The following HIPK2 variants were observed in gnomAD, a reference collection of about 807,000 sequenced individuals.
The protein encoded by HIPK2 is homeodomain interacting protein kinase 2.
Under a neutral mutation model 113.7 loss-of-function variants are expected in HIPK2, and 27 were observed. That is an observed-to-expected ratio of 0.24 (90% CI 0.17 to 0.33). The LOEUF is 0.33. Ranked by LOEUF, HIPK2 falls within the 10% of genes least tolerant of loss-of-function variation. The pLI is 1.00. For synonymous variants in HIPK2, 631 were observed against 642.2 expected (o/e 0.98, Z 0.26); for missense variants, 1,257 against 1,588.0 (o/e 0.79, Z 3.54).
Position 139,573,005 on chromosome 7 carries a change from G to C in HIPK2, c.3519C>G (p.Ile1173Met), listed in dbSNP as rs774689345. Residue 1173 changes from isoleucine to methionine, a missense_variant, in exon 15 of 15, where the codon ATC becomes ATG. By Grantham distance (10) the Ile-to-Met change is conservative (BLOSUM62 1). Coordinates refer to ENST00000406875, the MANE Select transcript of HIPK2 (RefSeq NM_022740.5). ...YPAQFAHQTY[I>M]SASPASTVYT... ...AGACGGTGGAGGCTGGCGAGGCGCT[G>C]ATGTAGGTCTGGTGGGCAAATTGGG... The C allele has an allele frequency of 8.1e-6, 13 of 1,611,696 alleles. No homozygotes were observed. The highest frequency in any genetic ancestry group is 8.5e-6 in the Non-Finnish European group (10 of 1,179,102).
At position 139,624,379 on chromosome 7, in the gene HIPK2, T is replaced by G. The variant is rs142528833; in HGVS notation, c.1619+2222A>C. Among the ~76,000 whole-genome samples, 39 of 152,248 alleles carry G rather than the reference T, an allele frequency of 2.6e-4. No individual in the cohort carries two copies. The East Asian group carries it at 7.5e-3, about 29-fold the overall frequency. On this transcript the variant is annotated intron_variant, in intron 6 of 14. Transcript: ENST00000406875. ...GAGGCCTTTGCCACTGGCTGGACCT[T>G]CCTCTCCAAGCCATTCCCTGCCTCG...
At chr7:139,715,204 G>C (rs1220840991) in intron 2 of HIPK2, among the ~76,000 whole-genome samples, 1 of 152,182 alleles carries the variant, frequency 6.6e-6, no homozygotes, top group Non-Finnish European at 1.5e-5. Context: ...AAAGCTTGTT[G>C]AATGACTGCA....
At chr7:139,583,187 A>G (rs546650010) in intron 13 of HIPK2, among the ~76,000 whole-genome samples, 3 of 152,262 alleles carry the variant, frequency 2.0e-5, no homozygotes, top group Non-Finnish European at 4.4e-5. Flanking sequence ...AATAGATGCT[A>G]CAAAATCTAC....
intron 13 of HIPK2, among the ~76,000 whole-genome samples, chr7:139,576,280 G>C (rs1798487775): frequency 6.6e-6 from 1 of 152,264 alleles, no homozygotes; most frequent in African/African-American, 2.4e-5. Context: ...AAAAAACACT[G>C]CAACCCTCCA....
At position 139,777,634 on chromosome 7, in the gene HIPK2, G is replaced by A. The variant is rs1197897915; in HGVS notation, c.-11C>T. 4 of 1,089,662 alleles carry A rather than the reference G, an allele frequency of 3.7e-6. No homozygotes were observed. Among genetic ancestry groups the A allele is most frequent in the African/African-American group, 1.7e-5 (1 of 59,066 alleles). 67.5% of individuals were successfully genotyped at this position (1,089,662 alleles called of 1,614,324 possible). A position where few individuals can be genotyped will look rare whatever the true frequency, so the allele number is the denominator to read the frequency against. On this transcript the variant is annotated 5_prime_UTR_variant, in exon 1 of 15. Transcript: ENST00000406875. ...GTACACGGGGGCCATCGGGGCCGGG[G>A]TGTCCGCGGTTCATGGCAACGGGGA...
intron 2 of HIPK2, among the ~76,000 whole-genome samples, chr7:139,710,249 G>A (rs997860000): frequency 1.3e-5 from 2 of 152,046 alleles, no homozygotes; most frequent in African/African-American, 4.8e-5. Context: ...TTATTTTCCA[G>A]TACAGGCCTT....
At chr7:139,584,123 C>T (rs772839504) in intron 12 of HIPK2, 59 bp from the exon 13 acceptor site, 53 of 1,537,316 alleles carry the variant, frequency 3.4e-5, no homozygotes, top group Non-Finnish European at 4.1e-5. Context: ...AGACACCCAA[C>T]TAGCACTTCA....
rs1452476361 is a variant in HIPK2, at chr7:139,562,897, T to C, written c.*10030A>G. ...AACATCTATCTCTATACAGTGATTC[T>C]ACTAAATTAGAAATTCTGCTGCCCC... On this transcript the variant is annotated 3_prime_UTR_variant, in exon 15 of 15. Transcript: ENST00000406875. The C allele has an allele frequency of 1.3e-5, 2 of 152,270 alleles. No homozygotes were observed. The highest frequency in any genetic ancestry group is 4.8e-5 in the African/African-American group (2 of 41,470). The allele number at this position is 152,270 out of a possible 1,614,324, so 9.4% of individuals were successfully genotyped here. A position where few individuals can be genotyped will look rare whatever the true frequency, so the allele number is the denominator to read the frequency against.
intron 9 of HIPK2, among the ~76,000 whole-genome samples, chr7:139,610,351 G>A (rs1164582119): frequency 2.6e-5 from 4 of 152,216 alleles, no homozygotes; most frequent in African/African-American, 4.8e-5. Flanking sequence ...GGAGCACTGG[G>A]AGACTGGTGT....
At chr7:139,701,945 G>A (rs1244116225) in intron 2 of HIPK2, among the ~76,000 whole-genome samples, 1 of 152,180 alleles carries the variant, frequency 6.6e-6, no homozygotes, top group Non-Finnish European at 1.5e-5. Flanking sequence ...GAGTGGCAGA[G>A]GGGCAGGCTG....
At chr7:139,699,424 C>T (rs899872499) in intron 2 of HIPK2, among the ~76,000 whole-genome samples, 4 of 152,162 alleles carry the variant, frequency 2.6e-5, no homozygotes, top group African/African-American at 9.7e-5. Flanking sequence ...TAGGCTCCCT[C>T]CCCGCCTCCT....
At chr7:139,632,809 G>A (rs1430774234) in intron 2 of HIPK2, among the ~76,000 whole-genome samples, 1 of 152,106 alleles carries the variant, frequency 6.6e-6, no homozygotes, top group East Asian at 1.9e-4. Context: ...CAGGCACGGT[G>A]GCTCATGCCT....
At chr7:139,647,269 T>G (rs1801268915) in intron 2 of HIPK2, among the ~76,000 whole-genome samples, 1 of 152,132 alleles carries the variant, frequency 6.6e-6, no homozygotes, top group Admixed American at 6.6e-5. Context: ...GGTCGGTGTC[T>G]GCAGACATTG....
In HIPK2 at chr7:139,755,009, G is replaced by A. The variant is rs377050889; in HGVS notation, c.19+22596C>T. Reference sequence around the variant, plus strand: ...CATGCATTGGGTGATCTTTCTGTTCGGATACTGACTCTCAGGGAAGACGGC... The same window carrying A: ...CATGCATTGGGTGATCTTTCTGTTCAGATACTGACTCTCAGGGAAGACGGC... On this transcript the variant is annotated intron_variant, in intron 1 of 14. Transcript: ENST00000406875. Among the ~76,000 whole-genome samples the A allele has an allele frequency of 7.9e-5, 12 of 152,224 alleles. No individual in the cohort carries two copies. In the South Asian group the frequency reaches 1.0e-3, roughly 13 times the overall value.
At chr7:139,663,764 A>G (rs1258898962) in intron 2 of HIPK2, among the ~76,000 whole-genome samples, 5 of 152,232 alleles carry the variant, frequency 3.3e-5, no homozygotes, top group African/African-American at 1.2e-4. Flanking sequence ...TTGAGACTTT[A>G]GCACTCTCCA....
chr7:139,711,232 C>T (rs1585406862), intron 2 of HIPK2, among the ~76,000 whole-genome samples: 1 of 151,972 alleles, frequency 6.6e-6, no homozygotes, highest in African/African-American at 2.4e-5. Flanking sequence ...TTGAGATCAT[C>T]CTGGCTAATA....
intron 1 of HIPK2, among the ~76,000 whole-genome samples, chr7:139,735,779 G>T (rs1369252910): frequency 6.6e-6 from 1 of 152,152 alleles, no homozygotes; most frequent in Non-Finnish European, 1.5e-5. Flanking sequence ...AAACACAGAG[G>T]CCAGTGAGCA....
chr7:139,651,671 C>CG (rs939932482), intron 2 of HIPK2, among the ~76,000 whole-genome samples: 2 of 152,148 alleles, frequency 1.3e-5, no homozygotes, highest in African/African-American at 4.8e-5. Flanking sequence ...AGCTCTATAG[C>CG]GGGGGCACTG....
chr7:139,611,110 C>G (rs909093828), intron 9 of HIPK2, among the ~76,000 whole-genome samples: 3 of 152,182 alleles, frequency 2.0e-5, no homozygotes, highest in Admixed American at 1.3e-4. Context: ...TAATACAATC[C>G]CCTTGCTAAA....
Sources: gnomAD v4.1 joint callset for allele counts (sites outside exome capture counted in the v4.1 genomes callset) on GRCh38, gnomAD v4.1.1 for gene constraint, MANE v1.5 for transcripts, NCBI Gene and HGNC (gene_info 2026-07-23, HGNC 2026-07-21) for gene names.